Variants in FOXP2 observed in about 807,000 individuals in gnomAD.
FOXP2 encodes the protein forkhead box protein P2.
FOXP2 carries 12 observed loss-of-function variants against 115.8 expected under a neutral mutation model. The ratio of observed to expected loss-of-function variants is 0.10; its 90% CI spans 0.07 to 0.17. The LOEUF (loss-of-function observed/expected upper bound fraction) is 0.17, where lower values mean the gene tolerates loss of function less well. Among genes scored for constraint, FOXP2 ranks in the 10% least tolerant of loss-of-function variants. FOXP2 has a pLI of 1.00. For missense variants in FOXP2, 629 were observed against 843.5 expected (o/e 0.75, Z 3.15); for synonymous variants, 328 against 297.7 (o/e 1.10, Z -1.05).
At chr7:114,616,078 C>A (rs370862705) in intron 3 of FOXP2, among the ~76,000 whole-genome samples, 1 of 152,100 alleles carries the variant, frequency 6.6e-6, no homozygotes, top group African/African-American at 2.4e-5. Flanking sequence ...AGGACAGGAA[C>A]CTTTTATGTC....
intron 3 of FOXP2, among the ~76,000 whole-genome samples, chr7:114,554,560 T>A (rs1859100): frequency 4.6e-5 from 7 of 151,758 alleles, no homozygotes; most frequent in South Asian, 2.1e-4. Context: ...TTTTAGTATG[T>A]GTATAATCAT....
intron 2 of FOXP2, among the ~76,000 whole-genome samples, chr7:114,347,938 T>C (rs1481116214): frequency 6.6e-6 from 1 of 152,066 alleles, no homozygotes; most frequent in African/African-American, 2.4e-5. Flanking sequence ...TTAATGAAAC[T>C]CTAAATGGTA....
chr7:114,630,402 C>T (rs1283826555), intron 5 of FOXP2, among the ~76,000 whole-genome samples: 2 of 152,032 alleles, frequency 1.3e-5, no homozygotes, highest in East Asian at 3.9e-4. Flanking sequence ...AAGGGAGAAA[C>T]TGGTTGAGCA....
At chr7:114,272,023 TAAA>T (rs1796073138) in intron 1 of FOXP2, among the ~76,000 whole-genome samples, 1 of 138,510 alleles carries the variant, frequency 7.2e-6, no homozygotes, top group Non-Finnish European at 1.5e-5. Flanking sequence ...ATAATATTAA[TAAA>T]TAATAATATA....
intron 2 of FOXP2, among the ~76,000 whole-genome samples, chr7:114,406,282 T>C (rs1240412040): frequency 6.6e-6 from 1 of 151,974 alleles, no homozygotes; most frequent in Non-Finnish European, 1.5e-5. Context: ...CTCCAGCTGT[T>C]TTGAATGTAT....
At chr7:114,385,705 T>C (rs564822732) in intron 2 of FOXP2, among the ~76,000 whole-genome samples, 106 of 152,314 alleles carry the variant, frequency 7.0e-4, no homozygotes, top group African/African-American at 2.5e-3. Flanking sequence ...TAAGGAAGAA[T>C]AGAACAGAAT....
At chr7:114,557,004 CT>C (rs1231067580) in intron 3 of FOXP2, among the ~76,000 whole-genome samples, 1 of 151,968 alleles carries the variant, frequency 6.6e-6, no homozygotes, top group Non-Finnish European at 1.5e-5. Context: ...TATTATTTTC[CT>C]TTTTTTAGTA....
At chr7:114,164,014 G>T (rs1316054336) in intron 1 of FOXP2, among the ~76,000 whole-genome samples, 1 of 152,142 alleles carries the variant, frequency 6.6e-6, no homozygotes, top group African/African-American at 2.4e-5. Flanking sequence ...GTCATACATT[G>T]CATACAGTTA....
At chr7:114,188,119 C>T (rs997927508) in intron 1 of FOXP2, among the ~76,000 whole-genome samples, 1 of 152,090 alleles carries the variant, frequency 6.6e-6, no homozygotes, top group African/African-American at 2.4e-5. Flanking sequence ...TCTAAGAATC[C>T]CCACCAGAAA....
chr7:114,197,391 C>T (rs1793941026), intron 1 of FOXP2, among the ~76,000 whole-genome samples: 1 of 152,158 alleles, frequency 6.6e-6, no homozygotes, highest in African/African-American at 2.4e-5. Context: ...TGAAGTCTCT[C>T]TTTCTGAGGG....
At chr7:114,369,301 C>A (rs1357236459) in intron 2 of FOXP2, among the ~76,000 whole-genome samples, 2 of 152,204 alleles carry the variant, frequency 1.3e-5, no homozygotes, top group Admixed American at 6.5e-5. Flanking sequence ...CTCCATCTTA[C>A]AACAGGACAA....
intron 13 of FOXP2, among the ~76,000 whole-genome samples, chr7:114,661,239 T>G (rs1806843822): frequency 6.6e-6 from 1 of 152,080 alleles, no homozygotes; most frequent in Non-Finnish European, 1.5e-5. Flanking sequence ...TTGCTTAGGT[T>G]TATAATTTGA....
chr7:114,527,808 C>A (rs1010292313), intron 2 of FOXP2, among the ~76,000 whole-genome samples: 3 of 152,084 alleles, frequency 2.0e-5, no homozygotes, highest in Admixed American at 2.0e-4. Flanking sequence ...TTACCTCATA[C>A]CCATTTACTA....
At chr7:114,094,458 ATAT>A (rs1375298590) in intron 1 of FOXP2, among the ~76,000 whole-genome samples, 1 of 152,138 alleles carries the variant, frequency 6.6e-6, no homozygotes, top group African/African-American at 2.4e-5. Context: ...GGAGGCTATA[ATAT>A]TTTCTGTTGA....
chr7:114,420,436 A>T (rs1315968939), intron 1 of FOXP2, among the ~76,000 whole-genome samples: 1 of 152,060 alleles, frequency 6.6e-6, no homozygotes, highest in East Asian at 1.9e-4. Context: ...TGTTTCCTAA[A>T]CGAAAATATT....
chr7:114,086,342 A>G, upstream of FOXP2: 2 of 408,508 alleles, frequency 4.9e-6, no homozygotes, highest in Non-Finnish European at 9.7e-6. Context: ...AGCGCGAGAC[A>G]CGCCGGCGCG....
intron 2 of FOXP2, among the ~76,000 whole-genome samples, chr7:114,351,763 C>T (rs956018461): frequency 2.6e-5 from 4 of 151,890 alleles, no homozygotes; most frequent in African/African-American, 9.7e-5. Flanking sequence ...TCTTTTCCTT[C>T]ATTATTATGG....
chr7:114,131,814 A>T (rs1345262617), intron 1 of FOXP2, among the ~76,000 whole-genome samples: 11 of 152,212 alleles, frequency 7.2e-5, no homozygotes, highest in Non-Finnish European at 1.5e-5. Context: ...TGAAGAAATC[A>T]TTCACATAGG....
At chr7:114,123,394 A>G (rs1467817792) in intron 1 of FOXP2, among the ~76,000 whole-genome samples, 1 of 151,458 alleles carries the variant, frequency 6.6e-6, no homozygotes, top group African/African-American at 2.4e-5. Flanking sequence ...AGCAACAAGA[A>G]CCACCATATT....
Sources: allele counts gnomAD v4.1 joint callset (sites outside exome capture counted in the v4.1 genomes callset), GRCh38; gene constraint gnomAD v4.1.1; transcripts MANE v1.5; gene names NCBI Gene and HGNC (gene_info 2026-07-23, HGNC 2026-07-21).